Variants in LGALS2 observed in about 807,000 individuals in gnomAD.
LGALS2 encodes the protein galectin-2.
LGALS2 carries 7 observed loss-of-function variants against 10.1 expected under a neutral mutation model. The observed-to-expected ratio is 0.70, with a 90% CI of 0.40 to 1.31. LGALS2 has a LOEUF of 1.31. Ranked by LOEUF, LGALS2 falls within the 50% of genes most tolerant of loss-of-function variation. The pLI is 0.01. For synonymous variants in LGALS2, 86 were observed against 64.2 expected (o/e 1.34, Z -1.63); for missense variants, 167 against 163.6 (o/e 1.02, Z -0.11).
chr22:37,579,837 C>T lies in LGALS2; in HGVS notation c.6+63G>A. 4 of 1,565,826 alleles carry T rather than the reference C, an allele frequency of 2.6e-6. No homozygotes were observed. In the South Asian group the frequency reaches 4.7e-5, roughly 18 times the overall value. ...ACAGCAATGGTTTTCCCTAAAAGCC[C>T]CCACCCAGGCAAAGACAAAGATGAA... On this transcript the variant is annotated intron_variant, in intron 1 of 3. Transcript: ENST00000215886.
chr22:37,577,619 T>C (rs1925729682), intron 1 of LGALS2, among the ~76,000 whole-genome samples: 1 of 151,936 alleles, frequency 6.6e-6, no homozygotes, highest in Non-Finnish European at 1.5e-5. Context: ...TCTCAAGTGA[T>C]CCGCCTGCCT....
At chr22:37,572,095 C>T (rs934699038) in intron 1 of LGALS2, among the ~76,000 whole-genome samples, 164 bp from the exon 2 acceptor site, 8 of 152,208 alleles carry the variant, frequency 5.3e-5, no homozygotes, top group Admixed American at 3.3e-4. Flanking sequence ...AGAGCCAGAG[C>T]GCTCTGATCA....
chr22:37,575,364 T>C (rs2145821749), intron 1 of LGALS2, among the ~76,000 whole-genome samples: 1 of 152,066 alleles, frequency 6.6e-6, no homozygotes, highest in Non-Finnish European at 1.5e-5. Flanking sequence ...TGTGCCACCA[T>C]GCCCAGCTAA....
chr22:37,577,670 C>T (rs1252940692), intron 1 of LGALS2, among the ~76,000 whole-genome samples: 5 of 152,084 alleles, frequency 3.3e-5, no homozygotes, highest in Non-Finnish European at 7.4e-5. Flanking sequence ...TGAGCCACCC[C>T]GCCCAGCCTC....
At chr22:37,577,404 C>T (rs764620448) in intron 1 of LGALS2, among the ~76,000 whole-genome samples, 2 of 148,920 alleles carry the variant, frequency 1.3e-5, no homozygotes, top group African/African-American at 4.9e-5. Context: ...GGCTGGAGTA[C>T]AGTGGCTCGA....
chr22:37,574,910 T>G (rs1601460765), intron 1 of LGALS2, among the ~76,000 whole-genome samples: 5 of 144,576 alleles, frequency 3.5e-5, no homozygotes, highest in South Asian at 2.2e-4. Flanking sequence ...TGAGATGGAG[T>G]CTCACTCTGT....
chr22:37,572,032 T>C, intron 1 of LGALS2, 101 bp from the exon 2 acceptor site: 1 of 933,756 alleles, frequency 1.1e-6, no homozygotes, highest in Non-Finnish European at 1.7e-6. Context: ...GCTGCAGGTC[T>C]CAATCCCCCT....
rs755573884 is a variant in LGALS2 at position 37,570,406 on chromosome 22, CTG to C, written c.254_255del (p.Thr85SerfsTer4). The C allele has an allele frequency of 4.3e-6, 7 of 1,613,228 alleles. No homozygotes were observed. In the South Asian group the frequency reaches 7.7e-5, roughly 18 times the overall value. On this transcript the variant is annotated frameshift_variant, in exon 4 of 4. Transcript: ENST00000215886. LOFTEE classifies it low-confidence loss of function (END_TRUNC). ...CFSPGSEVKF[T>X]VTFESDKFKV... Reference sequence around the variant, plus strand: ...TTGAATTTGTCACTCTCAAAGGTCACTGTGAACTGTGGGGAGGGAGGGTGTCA... The same window carrying C: ...TTGAATTTGTCACTCTCAAAGGTCACTGAACTGTGGGGAGGGAGGGTGTCA...
At chr22:37,572,154 C>T (rs1028271895) in intron 1 of LGALS2, among the ~76,000 whole-genome samples, 1 of 152,242 alleles carries the variant, frequency 6.6e-6, no homozygotes, top group Non-Finnish European at 1.5e-5. Flanking sequence ...CTCTTATCCA[C>T]CCCAACCCGA....
intron 1 of LGALS2, among the ~76,000 whole-genome samples, chr22:37,575,194 CT>C (rs1925635546): frequency 7.8e-6 from 1 of 128,316 alleles, no homozygotes; most frequent in Non-Finnish European, 1.7e-5. Flanking sequence ...CATTTTTTTT[CT>C]TTTCTTTCTT....
rs71195028 is a variant in LGALS2, at chr22:37,579,263, A to AAAAG, written c.6+636_6+637insCTTT. ...ACTCCATCTCAAAAAAAAAAAAAAA[A>AAAAG]AGAGAAAGAAAAGAAACAAACAAAA... On this transcript the variant is annotated intron_variant, in intron 1 of 3. Transcript: ENST00000215886. 2.4e-4 allele frequency among the ~76,000 whole-genome samples: 29 copies of AAAAG among 121,274 alleles called. 5 individuals carry two copies. The highest frequency in any genetic ancestry group is 3.5e-4 in the Non-Finnish European group (21 of 59,676). 79.6% of individuals were successfully genotyped at this position (121,274 alleles called of 152,430 possible). A position where few individuals can be genotyped will look rare whatever the true frequency, so the allele number is the denominator to read the frequency against.
intron 2 of LGALS2, 53 bp downstream of exon 2, chr22:37,571,796 C>A: frequency 6.8e-7 from 1 of 1,466,328 alleles, no homozygotes; most frequent in Non-Finnish European, 9.6e-7. Flanking sequence ...CTGCCCCACC[C>A]GCCCTGCCTA....
At chr22:37,571,710 G>A (rs1218536997) in intron 2 of LGALS2, 139 bp downstream of exon 2, 4 of 670,316 alleles carry the variant, frequency 6.0e-6, no homozygotes, top group Non-Finnish European at 8.0e-6. Context: ...CAGCAGGGGT[G>A]TGGGGAGAAG....
intron 1 of LGALS2, among the ~76,000 whole-genome samples, chr22:37,573,141 C>T (rs1001745234): frequency 6.7e-5 from 10 of 148,528 alleles, no homozygotes; most frequent in African/African-American, 9.9e-5. Flanking sequence ...TGTGGTGGCA[C>T]GCATCTATAG....
At chr22:37,572,177 C>T (rs1030024705) in intron 1 of LGALS2, among the ~76,000 whole-genome samples, 2 of 152,356 alleles carry the variant, frequency 1.3e-5, no homozygotes, top group East Asian at 1.9e-4. Context: ...AGGCACAGGA[C>T]GGAGGCTCAG....
chr22:37,576,912 C>G (rs573374335), intron 1 of LGALS2, among the ~76,000 whole-genome samples: 8 of 151,914 alleles, frequency 5.3e-5, no homozygotes, highest in Non-Finnish European at 1.2e-4. Flanking sequence ...GGCCCGGGAG[C>G]CTTGTCCCCA....
intron 1 of LGALS2, among the ~76,000 whole-genome samples, chr22:37,574,162 G>A (rs1300381356): frequency 6.6e-6 from 1 of 152,250 alleles, no homozygotes; most frequent in South Asian, 2.1e-4. Context: ...CTGTACAGTA[G>A]GAGCCTCCTC....
At chr22:37,575,465 G>A (rs1223061792) in intron 1 of LGALS2, among the ~76,000 whole-genome samples, 3 of 151,584 alleles carry the variant, frequency 2.0e-5, no homozygotes, top group East Asian at 1.9e-4. Flanking sequence ...TGCCTCAGCC[G>A]GTAATACATT....
In LGALS2 at chr22:37,579,670, A is replaced by G. The variant is rs112138143; in HGVS notation, c.6+230T>C. On this transcript the variant is annotated intron_variant, in intron 1 of 3. Coordinates refer to ENST00000215886, the MANE Select transcript of LGALS2 (RefSeq NM_006498.3). ...GCTGGTCTCAAACTCCCAACCTCAG[A>G]TGATCCACCAGCCTCGGCCTCCCAA... is the stretch of plus-strand genomic sequence containing the variant. Among the ~76,000 whole-genome samples the G allele has an allele frequency of 1.3e-4, 20 of 152,088 alleles. 1 individual carries two copies. The highest frequency in any genetic ancestry group is 4.8e-4 in the African/African-American group (20 of 41,492).
Sources: gnomAD v4.1 joint callset for allele counts (sites outside exome capture counted in the v4.1 genomes callset) on GRCh38, gnomAD v4.1.1 for gene constraint, MANE v1.5 for transcripts, NCBI Gene and HGNC (gene_info 2026-07-23, HGNC 2026-07-21) for gene names.